RGS6: variants seen among roughly 807,000 people sequenced by gnomAD.
RGS6 encodes the protein regulator of G protein signaling 6, also known as regulator of G-protein signaling 6.
Under a neutral mutation model 78.5 loss-of-function variants are expected in RGS6, and 30 were observed. The observed-to-expected ratio is 0.38, with a 90% CI of 0.29 to 0.52. The LOEUF (loss-of-function observed/expected upper bound fraction) is 0.52. Among genes scored for constraint, RGS6 ranks in the 20% least tolerant of loss-of-function variants. The pLI is 0.85. For synonymous variants in RGS6, 206 were observed against 206.0 expected (o/e 1.00, Z 0.00); for missense variants, 495 against 609.7 (o/e 0.81, Z 1.98).
At chr14:72,105,469 A>T (rs944028523) in intron 2 of RGS6, among the ~76,000 whole-genome samples, 2 of 152,216 alleles carry the variant, frequency 1.3e-5, no homozygotes, top group African/African-American at 4.8e-5. Context: ...TAGCTAGATA[A>T]ATCTTGAGGG....
chr14:72,231,360 A>C (rs1013295932), intron 2 of RGS6, among the ~76,000 whole-genome samples: 2 of 152,240 alleles, frequency 1.3e-5, no homozygotes, highest in Admixed American at 6.5e-5. Flanking sequence ...TAGTGGGAGT[A>C]AGAGGGTGAG....
At chr14:72,268,041 G>A (rs1371870505) in intron 2 of RGS6, among the ~76,000 whole-genome samples, 1 of 152,176 alleles carries the variant, frequency 6.6e-6, no homozygotes. Context: ...ACTTTCAGGT[G>A]CCTTCATGTC....
At chr14:72,301,892 C>G (rs762647562) in intron 2 of RGS6, among the ~76,000 whole-genome samples, 1 of 152,122 alleles carries the variant, frequency 6.6e-6, no homozygotes, top group Non-Finnish European at 1.5e-5. Context: ...TTTGCAGAAG[C>G]CCTACTTCAA....
At chr14:72,194,178 C>T (rs2039443352) in intron 2 of RGS6, among the ~76,000 whole-genome samples, 2 of 151,992 alleles carry the variant, frequency 1.3e-5, no homozygotes, top group Non-Finnish European at 2.9e-5. Context: ...AGGCGGAGTT[C>T]ATTCACCATT....
chr14:72,208,854 T>TG (rs2043327277), intron 2 of RGS6, among the ~76,000 whole-genome samples: 1 of 152,214 alleles, frequency 6.6e-6, no homozygotes, highest in Non-Finnish European at 1.5e-5. Flanking sequence ...GCATAATTGC[T>TG]TTCTCCCTTC....
At chr14:72,503,360 C>T (rs1198794703) in intron 13 of RGS6, among the ~76,000 whole-genome samples, 1 of 152,202 alleles carries the variant, frequency 6.6e-6, no homozygotes, top group Non-Finnish European at 1.5e-5. Context: ...CATTCCATCT[C>T]AGTAGTCCCC....
Position 72,527,782 on chromosome 14 carries a change from C to A in RGS6, c.1279-8404C>A, listed in dbSNP as rs543939589. On this transcript the variant is annotated intron_variant, in intron 15 of 17. Coordinates refer to ENST00000553525, the MANE Select transcript of RGS6 (RefSeq NM_001204424.2). ...CCTTGTCCATCACCCCACACAGCAACACCACATTCTGTCCACACAGCCTCA... is the reference window on the plus strand; with the variant it reads ...CCTTGTCCATCACCCCACACAGCAAAACCACATTCTGTCCACACAGCCTCA... Among the ~76,000 whole-genome samples the A allele has an allele frequency of 5.3e-5, 8 of 152,348 alleles. No homozygotes were observed. In the South Asian group the frequency reaches 8.3e-4, roughly 16 times the overall value.
chr14:72,062,739 C>G (rs1351985889), intron 2 of RGS6, among the ~76,000 whole-genome samples: 1 of 152,180 alleles, frequency 6.6e-6, no homozygotes, highest in African/African-American at 2.4e-5. Context: ...TGAGCCTGGA[C>G]TTCAGGGGAA....
At chr14:72,257,904 G>GCTCTAGCAT (rs2057392587) in intron 2 of RGS6, among the ~76,000 whole-genome samples, 2 of 152,172 alleles carry the variant, frequency 1.3e-5, no homozygotes. Context: ...AAAAACCACT[G>GCTCTAGCAT]CTCTAGCATT....
intron 3 of RGS6, among the ~76,000 whole-genome samples, chr14:72,420,419 C>G (rs1329699613): frequency 6.6e-6 from 1 of 152,198 alleles, no homozygotes; most frequent in African/African-American, 2.4e-5. Context: ...CCACAGTCTC[C>G]TAAATTCTGG....
the RGS6 span, among the ~76,000 whole-genome samples, chr14:72,576,874 T>C: frequency 6.6e-6 from 1 of 152,222 alleles, no homozygotes; most frequent in Non-Finnish European, 1.5e-5. Context: ...GCATCTGGGC[T>C]CCAGTTTGAC....
chr14:72,572,329 C>T, the RGS6 span, among the ~76,000 whole-genome samples: 625 of 152,122 alleles, frequency 4.1e-3, 6 homozygotes, highest in African/African-American at 0.014. Flanking sequence ...TACAGCCATA[C>T]AAAAATTTGA....
At chr14:72,143,895 C>T (rs2096573599) in intron 2 of RGS6, among the ~76,000 whole-genome samples, 1 of 151,844 alleles carries the variant, frequency 6.6e-6, no homozygotes. Context: ...TATTTATTAC[C>T]ATCAGATTAG....
the RGS6 span, among the ~76,000 whole-genome samples, chr14:72,615,013 C>A: frequency 6.6e-6 from 1 of 151,830 alleles, no homozygotes; most frequent in African/African-American, 2.4e-5. Context: ...AGGAGCCAGG[C>A]CTGGGACTTG....
At chr14:71,989,201 C>T (rs75286162) in intron 2 of RGS6, among the ~76,000 whole-genome samples, 25 of 152,310 alleles carry the variant, frequency 1.6e-4, no homozygotes, top group Non-Finnish European at 3.4e-4. Context: ...ATTCCCATGC[C>T]GCATATGAAG....
chr14:72,260,118 A>C (rs2057870696), intron 2 of RGS6, among the ~76,000 whole-genome samples: 1 of 152,158 alleles, frequency 6.6e-6, no homozygotes, highest in African/African-American at 2.4e-5. Flanking sequence ...CACAGGAAAG[A>C]CATGTTTTAA....
At chr14:72,506,037 C>T (rs561768129) in intron 13 of RGS6, among the ~76,000 whole-genome samples, 47 of 152,276 alleles carry the variant, frequency 3.1e-4, no homozygotes, top group African/African-American at 1.1e-3. Context: ...TGAAGAGGCA[C>T]AGAGGACAAA....
At position 72,446,604 on chromosome 14, in the gene RGS6, A is replaced by G. The variant is rs140474370; in HGVS notation, c.185-7924A>G. Among the ~76,000 whole-genome samples the G allele has an allele frequency of 4.7e-3, 719 of 152,310 alleles. 4 individuals carry two copies. Among genetic ancestry groups the G allele is most frequent in the African/African-American group, 0.016 (659 of 41,568 alleles). On this transcript the variant is annotated intron_variant, in intron 3 of 17. Coordinates refer to ENST00000553525, the MANE Select transcript of RGS6 (RefSeq NM_001204424.2). ...GGTTGTGGGGGATGGTTTCAGGATG[A>G]TTCAAGTGCATTACATTTATTGTGT...
At chr14:72,345,052 T>C (rs2077755946) in intron 2 of RGS6, among the ~76,000 whole-genome samples, 1 of 152,144 alleles carries the variant, frequency 6.6e-6, no homozygotes, top group Non-Finnish European at 1.5e-5. Flanking sequence ...CTCAGTGTAG[T>C]CATGTGACCC....
Sources: allele counts gnomAD v4.1 joint callset (sites outside exome capture counted in the v4.1 genomes callset), GRCh38; gene constraint gnomAD v4.1.1; transcripts MANE v1.5; gene names NCBI Gene and HGNC (gene_info 2026-07-23, HGNC 2026-07-21).